PGCKA1: variants seen among roughly 807,000 people sequenced by gnomAD.
PGCKA1 encodes the protein PDCD10 and GCKIII kinases associated 1.
chr4:37,490,279 A>G, the PGCKA1 span, among the ~76,000 whole-genome samples: 2 of 152,172 alleles, frequency 1.3e-5, no homozygotes, highest in African/African-American at 2.4e-5. Flanking sequence ...ACAAAGTCGT[A>G]AAGTTAGTAA....
At chr4:37,501,767 A>G in the PGCKA1 span, among the ~76,000 whole-genome samples, 4 of 152,178 alleles carry the variant, frequency 2.6e-5, no homozygotes. Flanking sequence ...CATTTCAGCC[A>G]TCTCAGCCCA....
the PGCKA1 span, among the ~76,000 whole-genome samples, chr4:37,498,667 G>A: frequency 7.2e-5 from 11 of 152,044 alleles, no homozygotes; most frequent in South Asian, 1.9e-3. Flanking sequence ...TGCAGCTATC[G>A]TTTGTTGATT....
At chr4:37,593,085 T>C in the PGCKA1 span, among the ~76,000 whole-genome samples, 2 of 152,226 alleles carry the variant, frequency 1.3e-5, no homozygotes, top group African/African-American at 4.8e-5. Context: ...CTCAGAGCCC[T>C]TAAAAAGATA....
chr4:37,588,226 C>G, the PGCKA1 span: 1 of 152,250 alleles, frequency 6.6e-6, no homozygotes, highest in Non-Finnish European at 1.5e-5. Flanking sequence ...CTTTGAGCTG[C>G]AAAAGAACAG....
At chr4:37,530,531 G>T in the PGCKA1 span, among the ~76,000 whole-genome samples, 1 of 132,780 alleles carries the variant, frequency 7.5e-6, no homozygotes, top group African/African-American at 2.9e-5. Flanking sequence ...CTGAGATCAT[G>T]CCCCTGCACT....
the PGCKA1 span, among the ~76,000 whole-genome samples, chr4:37,490,109 T>G: frequency 6.6e-6 from 1 of 152,190 alleles, no homozygotes; most frequent in African/African-American, 2.4e-5. Context: ...GTATCTATTT[T>G]TAGAGAAGGT....
At chr4:37,576,169 G>A in the PGCKA1 span, among the ~76,000 whole-genome samples, 44,783 of 151,898 alleles carry the variant, frequency 0.29, 7,845 homozygotes, top group Middle Eastern at 0.38. Context: ...TACAGATTGC[G>A]TTGGGTAGTA....
the PGCKA1 span, among the ~76,000 whole-genome samples, chr4:37,486,627 A>C: frequency 0.41 from 62,341 of 152,016 alleles, 13,101 homozygotes; most frequent in African/African-American, 0.48. Context: ...GGCATCAGAC[A>C]TGAGCTTAAG....
the PGCKA1 span, among the ~76,000 whole-genome samples, chr4:37,515,632 T>C: frequency 6.6e-6 from 1 of 152,204 alleles, no homozygotes; most frequent in African/African-American, 2.4e-5. Context: ...ATGCTGATGA[T>C]TACCACTGAA....
the PGCKA1 span, among the ~76,000 whole-genome samples, chr4:37,593,330 G>GTATCAATGACCCACA: frequency 8.8e-4 from 134 of 152,186 alleles, no homozygotes; most frequent in East Asian, 0.025. Flanking sequence ...ACTGGCCCGT[G>GTATCAATGACCCACA]TATCAATGAC....
At chr4:37,503,613 T>C in the PGCKA1 span, among the ~76,000 whole-genome samples, 1 of 152,216 alleles carries the variant, frequency 6.6e-6, no homozygotes, top group African/African-American at 2.4e-5. Flanking sequence ...TCACCAGTAT[T>C]TGTTATTGCC....
At chr4:37,592,818 C>T in the PGCKA1 span, among the ~76,000 whole-genome samples, 2 of 152,216 alleles carry the variant, frequency 1.3e-5, no homozygotes, top group African/African-American at 4.8e-5. Context: ...GCACACTAGG[C>T]ACTCAAAAAT....
the PGCKA1 span, among the ~76,000 whole-genome samples, chr4:37,548,288 C>G: frequency 6.6e-6 from 1 of 151,998 alleles, no homozygotes; most frequent in Non-Finnish European, 1.5e-5. Flanking sequence ...TAAAATATAT[C>G]TTTGGTAAAA....
At chr4:37,517,316 TATAG>T in the PGCKA1 span, among the ~76,000 whole-genome samples, 3 of 147,608 alleles carry the variant, frequency 2.0e-5, no homozygotes, top group Non-Finnish European at 3.0e-5. Flanking sequence ...TAAATATATA[TATAG>T]AGAGAGAGAG....
At chr4:37,560,275 C>T in the PGCKA1 span, among the ~76,000 whole-genome samples, 3,510 of 152,282 alleles carry the variant, frequency 0.023, 141 homozygotes, top group African/African-American at 0.08. Flanking sequence ...AGGACTCTTT[C>T]TTCTTCCTTA....
At chr4:37,535,886 G>A in the PGCKA1 span, among the ~76,000 whole-genome samples, 2 of 152,164 alleles carry the variant, frequency 1.3e-5, no homozygotes, top group African/African-American at 2.4e-5. Flanking sequence ...TCTACCAGTT[G>A]CTAGCTAGAG....
the PGCKA1 span, among the ~76,000 whole-genome samples, chr4:37,510,345 A>G: frequency 6.6e-6 from 1 of 152,100 alleles, no homozygotes; most frequent in Admixed American, 6.5e-5. Context: ...TTTTGTACCC[A>G]TCCTCCTTGG....
At chr4:37,550,821 T>G in the PGCKA1 span, among the ~76,000 whole-genome samples, 1 of 152,154 alleles carries the variant, frequency 6.6e-6, no homozygotes, top group African/African-American at 2.4e-5. Context: ...TCAATGGCCA[T>G]GGGAATCCCG....
chr4:37,495,676 A>C, the PGCKA1 span, among the ~76,000 whole-genome samples: 1 of 152,144 alleles, frequency 6.6e-6, no homozygotes, highest in African/African-American at 2.4e-5. Flanking sequence ...ACACGGACAC[A>C]GGGAGGGGAA....
Sources: gnomAD v4.1 joint callset for allele counts (sites outside exome capture counted in the v4.1 genomes callset) on GRCh38, gnomAD v4.1.1 for gene constraint, MANE v1.5 for transcripts, NCBI Gene and HGNC (gene_info 2026-07-23, HGNC 2026-07-21) for gene names.